Variants in FAS observed in about 807,000 individuals in gnomAD.
FAS encodes the protein Fas cell surface death receptor.
FAS carries 5 observed loss-of-function variants against 33.2 expected under a neutral mutation model. The observed-to-expected ratio is 0.15, with a 90% CI of 0.08 to 0.32. The LOEUF is 0.32. FAS is among the 10% of genes least tolerant of loss of function. The pLI, the probability that FAS is intolerant of heterozygous loss-of-function variation, is 1.00. For missense variants in FAS, 339 were observed against 386.0 expected, an observed-to-expected ratio of 0.88 and a Z score of 1.02; for synonymous variants, 131 against 130.7, an observed-to-expected ratio of 1.00 and a Z score of -0.01.
At chr10:88,972,699 T>C (rs536649942) in intron 1 of FAS, among the ~76,000 whole-genome samples, 19 of 152,332 alleles carry the variant, frequency 1.2e-4, no homozygotes, top group African/African-American at 4.6e-4. Context: ...ACCTTACAAA[T>C]GTATAAATCG....
intron 1 of FAS, among the ~76,000 whole-genome samples, chr10:88,993,499 T>C (rs1847396035): frequency 6.6e-6 from 1 of 152,176 alleles, no homozygotes; most frequent in Non-Finnish European, 1.5e-5. Flanking sequence ...TTGTCTTGCA[T>C]TATTTAGGAC....
intron 2 of FAS, among the ~76,000 whole-genome samples, chr10:88,978,272 A>G (rs1282887776): frequency 2.6e-5 from 3 of 117,222 alleles, no homozygotes; most frequent in East Asian, 5.7e-4. Flanking sequence ...GGGGGGAGGG[A>G]TAGCATCGGG....
At chr10:88,993,906 A>T (rs1847422932) in intron 1 of FAS, among the ~76,000 whole-genome samples, 1 of 152,224 alleles carries the variant, frequency 6.6e-6, no homozygotes, top group African/African-American at 2.4e-5. Context: ...AGCAACCAGG[A>T]TGGAAAAACA....
At chr10:89,012,565 A>G (rs1282925148) in intron 7 of FAS, 1 of 158,090 alleles carries the variant, frequency 6.3e-6, no homozygotes, top group African/African-American at 2.4e-5. Context: ...TGGTACCCAA[A>G]TTAAAAGTAA....
chr10:88,996,711 T>C (rs1013435745), intron 1 of FAS, among the ~76,000 whole-genome samples: 1 of 152,314 alleles, frequency 6.6e-6, no homozygotes, highest in South Asian at 2.1e-4. Flanking sequence ...TTCCAAAATA[T>C]GTACATAATT....
chr10:89,005,054 ATGT>A (rs943147726), intron 2 of FAS, among the ~76,000 whole-genome samples: 7 of 152,144 alleles, frequency 4.6e-5, no homozygotes, highest in Middle Eastern at 3.2e-3. Flanking sequence ...AGCTGCTAAA[ATGT>A]TGTTGATGAA....
chr10:88,975,714 T>C (rs1375730001), intron 2 of FAS, among the ~76,000 whole-genome samples: 3 of 152,130 alleles, frequency 2.0e-5, no homozygotes, highest in Non-Finnish European at 4.4e-5. Flanking sequence ...TATTGGCCTC[T>C]TAATAAATAT....
chr10:88,990,973 G>T lies in FAS; in HGVS notation c.30+67G>T. On this transcript the variant is annotated intron_variant, in intron 1 of 8. Transcript: ENST00000652046. This position sits in a 1 kb window ranked among gnomAD's most constrained non-coding sequence, Gnocchi z 4.9. ...GTCCCGGGGATAGGCAAAGTGGGGC[G>T]GGCGCGGGACGCGTGCGGGATTGCG... 2 of 1,608,984 alleles carry T rather than the reference G, an allele frequency of 1.2e-6. No homozygotes were observed. The highest frequency in any genetic ancestry group is 1.7e-6 in the Non-Finnish European group (2 of 1,175,750).
At chr10:89,002,922 T>C in intron 1 of FAS, 107 bp from the exon 2 acceptor site, 1 of 1,178,082 alleles carries the variant, frequency 8.5e-7, no homozygotes, top group Non-Finnish European at 1.2e-6. Flanking sequence ...TCACATTGTC[T>C]TTGCCTGTGC....
rs1848315820 is a variant in FAS at position 89,007,826 on chromosome 10, A to G, written c.323A>G (p.Asp108Gly). ...AAATGCAGAAGATGTAGATTGTGTG[A>G]TGAAGGACATGGTAAGAGTCTTAAA... The part of the protein sequence containing the change: ...SSKCRRCRLC[D>G]EGHGLEVEIN... Residue 108 changes from aspartate to glycine, a missense_variant, in exon 3 of 9, where the codon GAT becomes GGT. Coordinates refer to ENST00000652046, the MANE Select transcript of FAS (RefSeq NM_000043.6). 1 of 1,613,974 alleles carries G rather than the reference A, an allele frequency of 6.2e-7. No individual in the cohort carries two copies. Among genetic ancestry groups the G allele is most frequent in the South Asian group, 1.1e-5 (1 of 91,086 alleles).
rs561209219 is a variant in FAS, at chr10:89,012,354, T to G, written c.651+273T>G. 3 of 362,414 alleles carry G rather than the reference T, an allele frequency of 8.3e-6. 1 individual carries two copies. Among genetic ancestry groups the G allele is most frequent in the South Asian group, 7.7e-5 (3 of 38,910 alleles). The allele number at this position is 362,414 out of a possible 1,614,324, so 22.4% of individuals were successfully genotyped here. On this transcript the variant is annotated intron_variant, in intron 7 of 8. Coordinates refer to ENST00000652046, the MANE Select transcript of FAS (RefSeq NM_000043.6). ...ATGCCAGGTTAATTTTTTATTTTTA[T>G]TTTTTATAGAGACAGGGTTCACTTT...
At chr10:88,978,998 C>T (rs1846642808) in intron 2 of FAS, among the ~76,000 whole-genome samples, 1 of 151,850 alleles carries the variant, frequency 6.6e-6, no homozygotes, top group African/African-American at 2.4e-5. Flanking sequence ...CTTTCATCCT[C>T]CTAATAAGCA....
At chr10:88,964,254 C>T (rs979668280) in intron 1 of FAS, among the ~76,000 whole-genome samples, 2 of 152,030 alleles carry the variant, frequency 1.3e-5, no homozygotes, top group Non-Finnish European at 1.5e-5. Flanking sequence ...AAGAAAAAAG[C>T]GAACAGAAGT....
At position 88,990,853 on chromosome 10, in the gene FAS, A is replaced by G. The variant is rs1042765709; in HGVS notation, c.-24A>G. On this transcript the variant is annotated 5_prime_UTR_variant, in exon 1 of 9. Transcript: ENST00000652046. This position sits in a 1 kb window ranked among gnomAD's most constrained non-coding sequence, Gnocchi z 4.9. ...AGTACGGAGTTGGGGAAGCTCTTTC[A>G]CTTCGGAGGATTGCTCAACAACCAT... 4 of 1,614,142 alleles carry G rather than the reference A, an allele frequency of 2.5e-6. No homozygotes were observed. The highest frequency in any genetic ancestry group is 2.5e-6 in the Non-Finnish European group (3 of 1,180,016).
At chr10:88,976,881 T>C (rs1406452170) in intron 2 of FAS, among the ~76,000 whole-genome samples, 1 of 152,222 alleles carries the variant, frequency 6.6e-6, no homozygotes, top group Non-Finnish European at 1.5e-5. Flanking sequence ...TCTTAGAGGC[T>C]CAAACCAATG....
In FAS at chr10:89,014,432, AATC is replaced by A; in HGVS notation, c.991_993del (p.Ile331del). The A allele has an allele frequency of 6.2e-7, 1 of 1,610,678 alleles. No individual in the cohort carries two copies. The highest frequency in any genetic ancestry group is 8.5e-7 in the Non-Finnish European group (1 of 1,179,884). ...CAGAAAATTCAAACTTCAGAAATGA[AATC>A]CAAAGCTTGGTCTAGAGTGAAAAAC... On this transcript the variant is annotated inframe_deletion, in exon 9 of 9. Coordinates refer to ENST00000652046, the MANE Select transcript of FAS (RefSeq NM_000043.6).
At chr10:88,973,516 ACCCTGT>A (rs2133329228) in intron 2 of FAS, 1 of 500,202 alleles carries the variant, frequency 2.0e-6, no homozygotes, top group East Asian at 3.7e-5. Flanking sequence ...GAGGCCAGGT[ACCCTGT>A]CACCTTGGCT....
intron 1 of FAS, among the ~76,000 whole-genome samples, chr10:88,971,511 A>G (rs2133323919): frequency 6.6e-6 from 1 of 152,270 alleles, no homozygotes; most frequent in South Asian, 2.1e-4. Context: ...ATTTCCTCAA[A>G]TCCCATCTGA....
At chr10:88,964,539 A>C (rs1322920345) in intron 1 of FAS, among the ~76,000 whole-genome samples, 1 of 152,172 alleles carries the variant, frequency 6.6e-6, no homozygotes, top group Non-Finnish European at 1.5e-5. Context: ...GCAAGGGCCT[A>C]AGGTCATCCC....
Sources: allele counts gnomAD v4.1 joint callset (sites outside exome capture counted in the v4.1 genomes callset), GRCh38; gene constraint gnomAD v4.1.1; non-coding constraint Gnocchi (gnomAD v3.1); transcripts MANE v1.5; gene names NCBI Gene and HGNC (gene_info 2026-07-23, HGNC 2026-07-21).